ZP3: variants seen among roughly 807,000 people sequenced by gnomAD.
The protein encoded by ZP3 is zona pellucida sperm-binding protein 3.
In ZP3, 21 loss-of-function variants were observed where a neutral mutation model predicts 35.6. The ratio of observed to expected loss-of-function variants is 0.59; its 90% CI spans 0.42 to 0.85. The LOEUF (loss-of-function observed/expected upper bound fraction) is 0.85. ZP3 is among the 40% of genes least tolerant of loss of function. The pLI is 0.00. For missense variants in ZP3, 437 were observed against 536.5 expected (o/e 0.81, Z 1.83); for synonymous variants, 207 against 214.5 (o/e 0.96, Z 0.31).
At chr7:76,409,792 G>A (rs984500380) in intron 1 of ZP3, 1 of 146,180 alleles carries the variant, frequency 6.8e-6, no homozygotes, top group Non-Finnish European at 1.5e-5. Flanking sequence ...CCCACCCCAG[G>A]GTTCAGGTTT....
chr7:76,404,452 G>A, intron 1 of ZP3: 1 of 1,614,030 alleles, frequency 6.2e-7, no homozygotes, highest in Middle Eastern at 1.7e-4. Flanking sequence ...AGATGGTGAA[G>A]GGTGTTTCAG....
chr7:76,421,004 C>T (rs1805491468), upstream of ZP3, among the ~76,000 whole-genome samples: 1 of 151,384 alleles, frequency 6.6e-6, no homozygotes, highest in Non-Finnish European at 1.5e-5. Flanking sequence ...GGCACAATCT[C>T]AGCTCACTGC....
Position 76,433,607 on chromosome 7 carries a change from C to T in ZP3, c.673C>T (p.Gln225Ter). 1 of 1,613,696 alleles carries T rather than the reference C, an allele frequency of 6.2e-7. No homozygotes were observed. The highest frequency in any genetic ancestry group is 8.5e-7 in the Non-Finnish European group (1 of 1,179,734). The change falls in exon 4 of 8, where the codon CAG (glutamine) becomes TAG (stop). Residue 225 changes from glutamine to a stop codon, truncating the protein, a stop_gained. Transcript: ENST00000394857. LOFTEE classifies it high-confidence loss of function. ...CTGCGTGGCCACACCGACACCAGAC[C>T]AGAATGCCTCCCCTTATCACACCAT... is the stretch of plus-strand genomic sequence containing the variant. ...DHCVATPTPD[Q>*]NASPYHTIVD...
intron 1 of ZP3, among the ~76,000 whole-genome samples, chr7:76,406,460 AT>A (rs942398566): frequency 1.3e-5 from 2 of 151,624 alleles, no homozygotes; most frequent in Admixed American, 6.6e-5. Context: ...TAATTAATTA[AT>A]TTTTTTTACT....
Position 76,400,376 on chromosome 7 carries a change from C to T in ZP3, c.-67+2579C>T, listed in dbSNP as rs747237989. On this transcript the variant is annotated intron_variant, in intron 1 of 8. Transcript: ENST00000336517. ...CACTCGCTCAGCGCAGCTTCCTGCC[C>T]GCGGCACTCCACGTTGTCCAGCAGG... 1.0e-5 allele frequency: 16 copies of T among 1,591,274 alleles called. No homozygotes were observed. The highest frequency in any genetic ancestry group is 1.7e-5 in the Admixed American group (1 of 57,312).
Position 76,411,774 on chromosome 7 carries a change from G to T in ZP3, c.-66-13278G>T, listed in dbSNP as rs547481147. On this transcript the variant is annotated intron_variant, in intron 1 of 8. Transcript: ENST00000336517. Reference sequence around the variant, plus strand: ...AAATCTAAATGTACATTCACCATATGAACTAGCAATTGTACTCCTGGGCAT... The same window carrying T: ...AAATCTAAATGTACATTCACCATATTAACTAGCAATTGTACTCCTGGGCAT... Among the ~76,000 whole-genome samples the T allele has an allele frequency of 2.6e-5, 4 of 152,242 alleles. No homozygotes were observed. In the East Asian group the frequency reaches 7.7e-4, roughly 29 times the overall value.
At chr7:76,410,437 C>T (rs1290303957) in intron 1 of ZP3, among the ~76,000 whole-genome samples, 18 of 150,794 alleles carry the variant, frequency 1.2e-4, no homozygotes, top group South Asian at 2.1e-4. Context: ...CAGCAACGTC[C>T]GTCTCCCCGA....
chr7:76,404,400 C>A (rs1171597796), intron 1 of ZP3: 1 of 1,614,112 alleles, frequency 6.2e-7, no homozygotes, highest in Admixed American at 1.7e-5. Flanking sequence ...CGCTTCTCAT[C>A]CAGCTGGGGA....
At chr7:76,421,673 C>T (rs1306228236), upstream of ZP3, among the ~76,000 whole-genome samples, 2 of 151,474 alleles carry the variant, frequency 1.3e-5, no homozygotes, top group African/African-American at 4.9e-5. Flanking sequence ...CGGCTCACTG[C>T]AACATCTGCT....
rs142032111 is a variant in ZP3, at chr7:76,425,162, C to T, written c.198C>T (p.Ile66=). The T allele has an allele frequency of 3.7e-5, 60 of 1,613,908 alleles. No individual in the cohort carries two copies. Among genetic ancestry groups the T allele is most frequent in the Non-Finnish European group, 4.7e-5 (56 of 1,180,046 alleles). Residue 66 remains isoleucine, a synonymous_variant, in exon 1 of 8, where the codon ATC becomes ATT. Coordinates refer to ENST00000394857, the MANE Select transcript of ZP3 (RefSeq NM_001110354.2). ...SKDLFGTGKL[I]RAADLTLGPE... ...ACCTTTTTGGCACCGGGAAGCTCAT[C>T]AGGGCTGCTGACCTCACCTTGGGCC...
intron 1 of ZP3, 116 bp from the exon 2 acceptor site, chr7:76,429,399 T>G (rs1805763863): frequency 3.1e-6 from 3 of 959,820 alleles, no homozygotes; most frequent in South Asian, 2.7e-5. Context: ...CACCTGGCCT[T>G]GACCCTGTGG....
chr7:76,406,211 C>G (rs1485111804), intron 1 of ZP3, among the ~76,000 whole-genome samples: 1 of 152,092 alleles, frequency 6.6e-6, no homozygotes, highest in Non-Finnish European at 1.5e-5. Context: ...CTCCTGACCT[C>G]AGGTGATCCA....
chr7:76,437,479 T>G (rs1806055504), intron 5 of ZP3, among the ~76,000 whole-genome samples: 1 of 150,178 alleles, frequency 6.7e-6, no homozygotes, highest in Non-Finnish European at 1.5e-5. Flanking sequence ...TCTTTTTTTT[T>G]TTTTTTTTGT....
upstream of ZP3, among the ~76,000 whole-genome samples, chr7:76,423,025 G>GAAAGAAAGAAAGAAAGAA (rs1554624492): frequency 4.2e-4 from 32 of 75,844 alleles, no homozygotes; most frequent in South Asian, 1.6e-3. Flanking sequence ...GAGAGAGAGA[G>GAAAGAAAGAAAGAAAGAA]AGAAAGAAAG....
chr7:76,410,245 G>C (rs1249021703), intron 1 of ZP3, among the ~76,000 whole-genome samples: 1 of 152,010 alleles, frequency 6.6e-6, no homozygotes, highest in Non-Finnish European at 1.5e-5. Context: ...TGGCCAGGAT[G>C]GCCTTGAAAT....
chr7:76,433,122 GTT>G (rs1491337623), intron 3 of ZP3, 92 bp downstream of exon 3: 1 of 524,636 alleles, frequency 1.9e-6, no homozygotes, highest in Non-Finnish European at 2.8e-6. Flanking sequence ...TGTTTGTTTG[GTT>G]TTGGTTTTGG....
intron 1 of ZP3, among the ~76,000 whole-genome samples, chr7:76,412,775 G>A (rs1317661885): frequency 6.6e-6 from 1 of 151,516 alleles, no homozygotes; most frequent in Non-Finnish European, 1.5e-5. Context: ...CTTGAACCCG[G>A]GAGGCGGAAG....
At chr7:76,436,771 T>TC (rs1806026514) in intron 5 of ZP3, among the ~76,000 whole-genome samples, 1 of 152,194 alleles carries the variant, frequency 6.6e-6, no homozygotes, top group Non-Finnish European at 1.5e-5. Flanking sequence ...TGGGAGGAAG[T>TC]CAAGATTGAC....
chr7:76,400,324 T>C (rs745912872), intron 1 of ZP3: 8 of 1,503,748 alleles, frequency 5.3e-6, no homozygotes, highest in South Asian at 2.6e-5. Context: ...GTGAAAGCAA[T>C]TGTGGACGCC....
Sources: gnomAD v4.1 joint callset for allele counts (sites outside exome capture counted in the v4.1 genomes callset) on GRCh38, gnomAD v4.1.1 for gene constraint, MANE v1.5 for transcripts, NCBI Gene and HGNC (gene_info 2026-07-23, HGNC 2026-07-21) for gene names.